CDK8: variants seen among roughly 807,000 people sequenced by gnomAD.
The protein encoded by CDK8 is cyclin dependent kinase 8, also known as cyclin-dependent kinase 8.
Under a neutral mutation model 71.5 loss-of-function variants are expected in CDK8, and 29 were observed. That is an observed-to-expected ratio of 0.41 (90% confidence interval 0.30 to 0.55). The LOEUF (loss-of-function observed/expected upper bound fraction) is 0.55. Among genes scored for constraint, CDK8 ranks in the 20% least tolerant of loss-of-function variants. The pLI, the probability that CDK8 is intolerant of heterozygous loss-of-function variation, is 0.37. For missense variants in CDK8, 288 were observed against 572.6 expected (o/e 0.50, Z 5.07); for synonymous variants, 161 against 192.1 (o/e 0.84, Z 1.34).
intron 1 of CDK8, among the ~76,000 whole-genome samples, chr13:26,302,183 A>G (rs1044268848): frequency 3.3e-5 from 5 of 152,240 alleles, no homozygotes; most frequent in African/African-American, 9.6e-5. Flanking sequence ...AAACACCCCA[A>G]TAGAATTCTG....
At chr13:26,268,001 C>G (rs565217171) in intron 1 of CDK8, among the ~76,000 whole-genome samples, 116 of 152,270 alleles carry the variant, frequency 7.6e-4, no homozygotes, top group Non-Finnish European at 1.4e-3. Flanking sequence ...ACAACCCTAG[C>G]AGATCACTGC....
intron 5 of CDK8, 70 bp downstream of exon 5, chr13:26,382,941 C>A: frequency 2.2e-6 from 2 of 916,832 alleles, no homozygotes; most frequent in South Asian, 3.4e-5. Flanking sequence ...TATATCACTT[C>A]TAATTTTTGC....
Position 26,400,563 on chromosome 13 carries a change from G to C in CDK8, c.1031+13G>C. 2 of 1,489,298 alleles carry C rather than the reference G, an allele frequency of 1.3e-6. No individual in the cohort carries two copies. Among genetic ancestry groups the C allele is most frequent in the South Asian group, 1.1e-5 (1 of 88,490 alleles). 92.3% of individuals were successfully genotyped at this position (1,489,298 alleles called of 1,614,324 possible). ...TTCCTACATCAGAGTAAGTGGCCTAGTTGGTTAACTCATCAGCATGATGGA... is the reference window on the plus strand; with the variant it reads ...TTCCTACATCAGAGTAAGTGGCCTACTTGGTTAACTCATCAGCATGATGGA... On this transcript the variant is annotated intron_variant, in intron 10 of 12. Transcript: ENST00000381527.
chr13:26,302,252 A>G (rs1456658040), intron 1 of CDK8, among the ~76,000 whole-genome samples: 2 of 152,244 alleles, frequency 1.3e-5, no homozygotes, highest in African/African-American at 4.8e-5. Context: ...TCGATTTCCA[A>G]AAGAGAAATT....
At chr13:26,308,722 C>T (rs1455041140) in intron 1 of CDK8, among the ~76,000 whole-genome samples, 3 of 152,198 alleles carry the variant, frequency 2.0e-5, no homozygotes, top group Admixed American at 2.0e-4. Flanking sequence ...TTCTTACAGG[C>T]GTATCTTTTA....
At chr13:26,373,558 TA>T (rs1874791126) in intron 4 of CDK8, among the ~76,000 whole-genome samples, 1 of 152,170 alleles carries the variant, frequency 6.6e-6, no homozygotes, top group South Asian at 2.1e-4. Context: ...TTACAAATTA[TA>T]AAATATTTAC....
intron 2 of CDK8, among the ~76,000 whole-genome samples, chr13:26,342,280 A>G (rs1387501628): frequency 6.6e-6 from 1 of 152,216 alleles, no homozygotes; most frequent in African/African-American, 2.4e-5. Context: ...ATTAAAAACT[A>G]GGATCTACAT....
chr13:26,263,986 A>C (rs1320480496), intron 1 of CDK8, among the ~76,000 whole-genome samples: 4 of 151,514 alleles, frequency 2.6e-5, no homozygotes, highest in African/African-American at 9.7e-5. Flanking sequence ...TGACCTCGTG[A>C]TCCGCCCACC....
intron 4 of CDK8, among the ~76,000 whole-genome samples, chr13:26,378,008 T>G (rs1875035142): frequency 6.6e-6 from 1 of 152,232 alleles, no homozygotes; most frequent in South Asian, 2.1e-4. Context: ...TTGTCTTCTT[T>G]TAATAGAGAG....
intron 1 of CDK8, among the ~76,000 whole-genome samples, chr13:26,270,389 C>CA (rs58365823): frequency 0.086 from 11,023 of 128,028 alleles, 1,069 homozygotes; most frequent in African/African-American, 0.25. Context: ...AACTCTGTCT[C>CA]AAAAAAAAAA....
chr13:26,304,562 T>C (rs1196115992), intron 1 of CDK8, among the ~76,000 whole-genome samples: 1 of 152,074 alleles, frequency 6.6e-6, no homozygotes, highest in East Asian at 1.9e-4. Context: ...TACCTGTGAC[T>C]AATACCCTTT....
chr13:26,338,217 G>C (rs1358883270), intron 2 of CDK8, among the ~76,000 whole-genome samples: 1 of 151,936 alleles, frequency 6.6e-6, no homozygotes, highest in Non-Finnish European at 1.5e-5. Flanking sequence ...TTTTTCTTCA[G>C]TTTTTACTGT....
chr13:26,373,090 T>C (rs2138030914), intron 4 of CDK8, among the ~76,000 whole-genome samples: 1 of 152,322 alleles, frequency 6.6e-6, no homozygotes, highest in Admixed American at 6.5e-5. Flanking sequence ...AGGTACCACA[T>C]ACGTAAGTAA....
At chr13:26,288,495 A>T (rs879365326) in intron 1 of CDK8, among the ~76,000 whole-genome samples, 8 of 151,952 alleles carry the variant, frequency 5.3e-5, no homozygotes, top group Non-Finnish European at 1.0e-4. Flanking sequence ...ATAATAGGTA[A>T]TATAAATCTT....
At chr13:26,288,111 T>C (rs1873110753) in intron 1 of CDK8, among the ~76,000 whole-genome samples, 1 of 152,074 alleles carries the variant, frequency 6.6e-6, no homozygotes, top group South Asian at 2.1e-4. Flanking sequence ...TATAGGCACG[T>C]GCCACCATGC....
intron 4 of CDK8, among the ~76,000 whole-genome samples, chr13:26,379,576 TGAATGAGTAA>T (rs1203031670): frequency 1.3e-5 from 2 of 152,092 alleles, no homozygotes; most frequent in African/African-American, 4.8e-5. Flanking sequence ...TCCCAGCTGC[TGAATGAGTAA>T]GAAAGTGTGT....
At chr13:26,389,056 A>G (rs942634270) in intron 6 of CDK8, among the ~76,000 whole-genome samples, 20 of 152,346 alleles carry the variant, frequency 1.3e-4, no homozygotes, top group Non-Finnish European at 2.5e-4. Flanking sequence ...TCTTACTTCT[A>G]TCACTCTGGG....
chr13:26,333,696 G>T lies in CDK8; in HGVS notation c.129-3871G>T, dbSNP rs957227870. ...ATATGGTGTATATGAAACATAAAAT[G>T]AATCCTGTGTTTAAATTGGATCTCA... On this transcript the variant is annotated intron_variant, in intron 1 of 12. Coordinates refer to ENST00000381527, the MANE Select transcript of CDK8 (RefSeq NM_001260.3). Among the ~76,000 whole-genome samples the T allele has an allele frequency of 9.2e-5, 14 of 152,080 alleles. 1 individual carries two copies. The highest frequency in any genetic ancestry group is 3.4e-4 in the African/African-American group (14 of 41,400).
At chr13:26,399,360 G>A (rs955824672) in intron 9 of CDK8, among the ~76,000 whole-genome samples, 3 of 152,090 alleles carry the variant, frequency 2.0e-5, no homozygotes, top group African/African-American at 4.8e-5. Context: ...TCAAAATGCA[G>A]TCTCAGTCCA....
Sources: gnomAD v4.1 joint callset for allele counts (sites outside exome capture counted in the v4.1 genomes callset) on GRCh38, gnomAD v4.1.1 for gene constraint, MANE v1.5 for transcripts, NCBI Gene and HGNC (gene_info 2026-07-23, HGNC 2026-07-21) for gene names.